HTR1F: variants seen among roughly 807,000 people sequenced by gnomAD.
The protein encoded by HTR1F is 5-hydroxytryptamine (serotonin) receptor 1F, G protein-coupled.
A neutral mutation model predicts 24.0 loss-of-function variants in HTR1F; 17 were observed. The observed-to-expected ratio is 0.71, with a 90% CI of 0.48 to 1.06. The LOEUF (loss-of-function observed/expected upper bound fraction) is 1.06. Among genes scored for constraint, HTR1F ranks in the 50% least tolerant of loss-of-function variants. The pLI, the probability that HTR1F is intolerant of heterozygous loss-of-function variation, is 0.00. For synonymous variants in HTR1F, 186 were observed against 156.8 expected (o/e 1.19, Z -1.39); for missense variants, 391 against 427.8 (o/e 0.91, Z 0.76).
intron 2 of HTR1F, among the ~76,000 whole-genome samples, chr3:87,958,013 A>C (rs1029689350): frequency 2.6e-5 from 4 of 151,454 alleles, no homozygotes; most frequent in African/African-American, 9.7e-5. Context: ...TAATATAAAA[A>C]TAAGCTCTAA....
intron 2 of HTR1F, among the ~76,000 whole-genome samples, chr3:87,928,711 C>A (rs1704187860): frequency 6.6e-6 from 1 of 152,132 alleles, no homozygotes; most frequent in Non-Finnish European, 1.5e-5. Context: ...ATTATGTATC[C>A]ATTTGTCTTT....
In HTR1F at chr3:87,991,249, GC is replaced by G. The variant is rs757151392; in HGVS notation, c.501del (p.Ser167ArgfsTer30). On this transcript the variant is annotated frameshift_variant, in exon 3 of 3. Transcript: ENST00000319595. LOFTEE classifies it high-confidence loss of function. ...CTATTCTGGAGGCACCAAGGAACTA[GC>G]AGAGATGATGAATGCATCATCAAGC... ...PPLFWRHQGT[S>X]RDDECIIKHD... 12 of 1,613,906 alleles carry G rather than the reference GC, an allele frequency of 7.4e-6. No homozygotes were observed. Among genetic ancestry groups the G allele is most frequent in the Non-Finnish European group, 9.3e-6 (11 of 1,179,994 alleles).
intron 2 of HTR1F, among the ~76,000 whole-genome samples, chr3:87,943,262 C>T (rs370096426): frequency 4.6e-4 from 70 of 152,214 alleles, no homozygotes; most frequent in South Asian, 1.2e-3. Flanking sequence ...GCAGTTATGG[C>T]GACACTTCTC....
intron 2 of HTR1F, among the ~76,000 whole-genome samples, chr3:87,831,371 T>C (rs1293840523): frequency 8.8e-6 from 1 of 114,196 alleles, no homozygotes; most frequent in Non-Finnish European, 2.0e-5. Flanking sequence ...ATTATTATTA[T>C]TATTATTTTG....
intron 2 of HTR1F, among the ~76,000 whole-genome samples, chr3:87,840,614 T>C (rs750230231): frequency 3.9e-5 from 6 of 152,044 alleles, no homozygotes; most frequent in Non-Finnish European, 8.8e-5. Flanking sequence ...CCAAAGTACT[T>C]GAAATTAATA....
chr3:87,843,853 G>A (rs1423716523), intron 2 of HTR1F, among the ~76,000 whole-genome samples: 4 of 151,782 alleles, frequency 2.6e-5, no homozygotes, highest in Admixed American at 2.6e-4. Flanking sequence ...CAAAGGACAT[G>A]AACGCATCAT....
intron 1 of HTR1F, among the ~76,000 whole-genome samples, chr3:87,805,243 C>T (rs1390076748): frequency 6.6e-6 from 1 of 151,558 alleles, no homozygotes; most frequent in South Asian, 2.1e-4. Context: ...TTTCTTTATT[C>T]CCACCTATTT....
chr3:87,956,149 T>C lies in HTR1F; in HGVS notation c.-42-34559T>C, dbSNP rs1576086390. Among the ~76,000 whole-genome samples the C allele has an allele frequency of 9.2e-5, 14 of 151,544 alleles. 1 individual carries two copies. The South Asian group carries it at 2.9e-3, about 31-fold the overall frequency. On this transcript the variant is annotated intron_variant, in intron 2 of 2. Transcript: ENST00000319595. The stretch of plus-strand genomic sequence containing the variant: ...TTAATCTAAAGTAGCTAAAATTTTC[T>C]CCAGTGTTGTATGTTTTATTGTTTT...
At chr3:87,807,615 T>C (rs1035008758) in intron 1 of HTR1F, among the ~76,000 whole-genome samples, 1 of 152,016 alleles carries the variant, frequency 6.6e-6, no homozygotes, top group Non-Finnish European at 1.5e-5. Flanking sequence ...TTTTATTTCT[T>C]TCTCTTGCCT....
At chr3:87,949,775 T>C (rs1356826660) in intron 2 of HTR1F, among the ~76,000 whole-genome samples, 2 of 152,222 alleles carry the variant, frequency 1.3e-5, no homozygotes, top group Non-Finnish European at 2.9e-5. Flanking sequence ...GTCTTCATTT[T>C]CTTTCATTTT....
At chr3:87,904,093 G>C (rs1703598608) in intron 2 of HTR1F, among the ~76,000 whole-genome samples, 1 of 151,986 alleles carries the variant, frequency 6.6e-6, no homozygotes, top group African/African-American at 2.4e-5. Context: ...AAAAAGGATA[G>C]GCAGTAGCTA....
At chr3:87,884,461 C>A (rs1348970112) in intron 2 of HTR1F, among the ~76,000 whole-genome samples, 1 of 152,142 alleles carries the variant, frequency 6.6e-6, no homozygotes, top group Admixed American at 6.6e-5. Context: ...AAAGAACCAG[C>A]TAACATCATA....
chr3:87,878,046 GA>G (rs1315631635), intron 2 of HTR1F, among the ~76,000 whole-genome samples: 1 of 152,124 alleles, frequency 6.6e-6, no homozygotes, highest in Non-Finnish European at 1.5e-5. Context: ...TGGTTTTAAT[GA>G]AAAAGGGAGA....
intron 2 of HTR1F, among the ~76,000 whole-genome samples, chr3:87,962,909 A>G (rs1705091549): frequency 6.6e-6 from 1 of 152,056 alleles, no homozygotes; most frequent in Non-Finnish European, 1.5e-5. Flanking sequence ...AGTTTAATCT[A>G]GTGATACTAA....
intron 2 of HTR1F, among the ~76,000 whole-genome samples, chr3:87,943,955 C>G (rs1406996004): frequency 1.3e-5 from 2 of 152,184 alleles, no homozygotes; most frequent in South Asian, 4.1e-4. Flanking sequence ...ATAGGGATGC[C>G]AGCACCCCTA....
In HTR1F at chr3:87,840,462, T is replaced by C. The variant is rs1191208848; in HGVS notation, c.-43+18338T>C. 2.0e-5 allele frequency among the ~76,000 whole-genome samples: 3 copies of C among 152,110 alleles called. No homozygotes were observed. In the East Asian group the frequency reaches 5.8e-4, roughly 29 times the overall value. ...GAATGTGGAGAAAAGGGAAGCTTTA[T>C]ACTGTAGAGAAAAGGGAACACTTAT... On this transcript the variant is annotated intron_variant, in intron 2 of 2. Transcript: ENST00000319595.
chr3:87,822,402 T>C (rs1318309216), intron 2 of HTR1F, among the ~76,000 whole-genome samples: 1 of 151,944 alleles, frequency 6.6e-6, no homozygotes, highest in Non-Finnish European at 1.5e-5. Flanking sequence ...TGAGTGAACA[T>C]AAATCAAAGA....
chr3:87,979,002 G>C (rs1385734644), intron 2 of HTR1F, among the ~76,000 whole-genome samples: 1 of 81,966 alleles, frequency 1.2e-5, no homozygotes, highest in Non-Finnish European at 2.4e-5. Flanking sequence ...GGACTGGAGG[G>C]GAAGGAAGGG....
chr3:87,844,706 T>G (rs1160858754), intron 2 of HTR1F, among the ~76,000 whole-genome samples: 24 of 141,096 alleles, frequency 1.7e-4, no homozygotes, highest in Non-Finnish European at 2.7e-4. Context: ...AATTTTTGTA[T>G]AAGGTGTAAG....
Sources: allele counts gnomAD v4.1 joint callset (sites outside exome capture counted in the v4.1 genomes callset), GRCh38; gene constraint gnomAD v4.1.1; transcripts MANE v1.5; gene names NCBI Gene and HGNC (gene_info 2026-07-23, HGNC 2026-07-21).